Variants in PARD3 observed in about 807,000 individuals in gnomAD.
The protein encoded by PARD3 is par-3 family cell polarity regulator, also known as partitioning defective 3 homolog.
PARD3 carries 75 observed loss-of-function variants against 155.4 expected under a neutral mutation model. The observed-to-expected ratio is 0.48, with a 90% CI of 0.40 to 0.58. PARD3 has a LOEUF of 0.58. PARD3 is among the 20% of genes least tolerant of loss of function. PARD3 has a pLI of 0.00. For missense variants in PARD3, 1,642 were observed against 1,721.7 expected, an observed-to-expected ratio of 0.95 and a Z score of 0.82; for synonymous variants, 576 against 610.5, an observed-to-expected ratio of 0.94 and a Z score of 0.83.
intron 5 of PARD3, among the ~76,000 whole-genome samples, chr10:34,448,177 A>T (rs927798141): frequency 2.6e-5 from 4 of 151,976 alleles, no homozygotes; most frequent in Admixed American, 1.3e-4. Flanking sequence ...ACATAAATGT[A>T]TAAAATGGAA....
At chr10:34,286,839 G>A (rs1448951154) in intron 20 of PARD3, among the ~76,000 whole-genome samples, 1 of 152,150 alleles carries the variant, frequency 6.6e-6, no homozygotes, top group Non-Finnish European at 1.5e-5. Flanking sequence ...GGAGGCTATG[G>A]TGATGAACCA....
chr10:34,460,198 T>C (rs2077557078), intron 4 of PARD3, among the ~76,000 whole-genome samples: 2 of 152,184 alleles, frequency 1.3e-5, no homozygotes, highest in South Asian at 4.2e-4. Flanking sequence ...AGGATATTAA[T>C]ATTCAAGGAA....
At chr10:34,541,445 G>T (rs1241468594) in intron 2 of PARD3, among the ~76,000 whole-genome samples, 1 of 152,164 alleles carries the variant, frequency 6.6e-6, no homozygotes, top group East Asian at 1.9e-4. Flanking sequence ...CATTCTATAT[G>T]AATCTTCTGT....
chr10:34,670,874 G>A (rs971681204), intron 2 of PARD3, among the ~76,000 whole-genome samples: 1 of 152,192 alleles, frequency 6.6e-6, no homozygotes, highest in Non-Finnish European at 1.5e-5. Context: ...TCAACCTGAA[G>A]TTGTGTGTAC....
rs550195556 is a variant in PARD3 at position 34,688,402 on chromosome 10, C to T, written c.222+7916G>A. ...TTCACACAAAATACAGCTTGTCCAT[C>T]AGGAAAGTTCACGTACACAAACGCA... On this transcript the variant is annotated intron_variant, in intron 2 of 24. Coordinates refer to ENST00000374788, the MANE Select transcript of PARD3 (RefSeq NM_001184785.2). Among the ~76,000 whole-genome samples, 72 of 152,286 alleles carry T rather than the reference C, an allele frequency of 4.7e-4. 1 individual carries two copies. The highest frequency in any genetic ancestry group is 2.1e-3 in the South Asian group (10 of 4,828).
intron 1 of PARD3, among the ~76,000 whole-genome samples, chr10:34,765,183 C>T (rs891789170): frequency 1.3e-5 from 2 of 152,076 alleles, no homozygotes; most frequent in Admixed American, 6.6e-5. Context: ...CCAATACTTC[C>T]GTCCAAAGAA....
intron 22 of PARD3, among the ~76,000 whole-genome samples, chr10:34,176,621 C>T (rs1459577445): frequency 2.6e-5 from 4 of 152,194 alleles, no homozygotes; most frequent in African/African-American, 7.2e-5. Flanking sequence ...TCTCCACTCC[C>T]GGATCTCAGG....
intron 2 of PARD3, among the ~76,000 whole-genome samples, chr10:34,695,312 TA>T (rs1408036527): frequency 2.0e-5 from 3 of 151,688 alleles, no homozygotes; most frequent in African/African-American, 7.3e-5. Flanking sequence ...ATGTCTCTAC[TA>T]AAAATACAAA....
At chr10:34,366,015 C>G (rs1839934614) in intron 12 of PARD3, among the ~76,000 whole-genome samples, 1 of 152,180 alleles carries the variant, frequency 6.6e-6, no homozygotes, top group Non-Finnish European at 1.5e-5. Flanking sequence ...TTTTCTTCTA[C>G]ACATGACTGA....
intron 1 of PARD3, among the ~76,000 whole-genome samples, chr10:34,716,656 A>G (rs2094526578): frequency 7.1e-6 from 1 of 140,090 alleles, no homozygotes; most frequent in Non-Finnish European, 1.5e-5. Context: ...GCAATGGTGC[A>G]ATCTTGGCTC....
chr10:34,460,216 C>A (rs2132933221), intron 4 of PARD3, among the ~76,000 whole-genome samples: 1 of 152,270 alleles, frequency 6.6e-6, no homozygotes, highest in Middle Eastern at 3.4e-3. Context: ...GAAACTATTT[C>A]TGTCCTCCAT....
In PARD3 at chr10:34,440,303, C is replaced by T. The variant is rs148872659; in HGVS notation, c.714+10014G>A. 2.0e-3 allele frequency among the ~76,000 whole-genome samples: 299 copies of T among 152,060 alleles called. 3 individuals are homozygous for T. Among genetic ancestry groups the T allele is most frequent in the African/African-American group, 6.7e-3 (279 of 41,482 alleles). ...AATAGCAGTTGCACAGCTCATGGAA[C>T]ATAGATGGAACGTAGAAATAAAGAA... is the stretch of plus-strand genomic sequence containing the variant. On this transcript the variant is annotated intron_variant, in intron 5 of 24. Coordinates refer to ENST00000374788, the MANE Select transcript of PARD3 (RefSeq NM_001184785.2).
chr10:34,337,902 GA>G (rs539357996), intron 16 of PARD3, among the ~76,000 whole-genome samples: 1 of 152,084 alleles, frequency 6.6e-6, no homozygotes, highest in Admixed American at 6.5e-5. Context: ...TTTAAGGAAA[GA>G]AAAAAAATGC....
chr10:34,293,427 A>G (rs1284634746), intron 20 of PARD3, among the ~76,000 whole-genome samples: 1 of 152,136 alleles, frequency 6.6e-6, no homozygotes, highest in Non-Finnish European at 1.5e-5. Flanking sequence ...TAATAATCAC[A>G]TTATATTTCT....
chr10:34,463,886 TAG>T lies in PARD3; in HGVS notation c.582+6197_582+6198del, dbSNP rs539887561. The stretch of plus-strand genomic sequence containing the variant: ...GTATTCAGTATAGCTACATGCTATA[TAG>T]GTTTCCAGCCTAGAAGAACAGGATA... On this transcript the variant is annotated intron_variant, in intron 4 of 24. Coordinates refer to ENST00000374788, the MANE Select transcript of PARD3 (RefSeq NM_001184785.2). Among the ~76,000 whole-genome samples the T allele has an allele frequency of 1.1e-3, 170 of 152,288 alleles. 1 individual carries two copies. Among genetic ancestry groups the T allele is most frequent in the Non-Finnish European group, 2.1e-3 (145 of 68,022 alleles).
chr10:34,600,100 C>T (rs1173523254), intron 2 of PARD3, among the ~76,000 whole-genome samples: 3 of 150,650 alleles, frequency 2.0e-5, no homozygotes, highest in South Asian at 2.1e-4. Context: ...TTTGGGAGGC[C>T]GAGGCAGGTG....
chr10:34,203,815 C>A (rs960323081), intron 22 of PARD3, among the ~76,000 whole-genome samples: 8 of 152,174 alleles, frequency 5.3e-5, no homozygotes, highest in Non-Finnish European at 1.0e-4. Context: ...TTCTATTGAT[C>A]TGTCAATGCC....
Position 34,297,246 on chromosome 10 carries a change from T to C in PARD3, c.3066-13001A>G, listed in dbSNP as rs117921423. 2.3e-3 allele frequency among the ~76,000 whole-genome samples: 343 copies of C among 152,266 alleles called. 8 individuals are homozygous for C. In the East Asian group the frequency reaches 0.057, roughly 25 times the overall value. ...TGAGCCCAAGAGTTTGAGGCTGTGA[T>C]GAGTTATGATCACACCACTGCACTT... On this transcript the variant is annotated intron_variant, in intron 20 of 24. Coordinates refer to ENST00000374788, the MANE Select transcript of PARD3 (RefSeq NM_001184785.2).
At chr10:34,252,668 T>C (rs941778680) in intron 22 of PARD3, among the ~76,000 whole-genome samples, 5 of 152,170 alleles carry the variant, frequency 3.3e-5, no homozygotes, top group Admixed American at 6.5e-5. Context: ...TATTTTACTA[T>C]TATTCTGAGA....
Sources: gnomAD v4.1 joint callset for allele counts (sites outside exome capture counted in the v4.1 genomes callset) on GRCh38, gnomAD v4.1.1 for gene constraint, MANE v1.5 for transcripts, NCBI Gene and HGNC (gene_info 2026-07-23, HGNC 2026-07-21) for gene names.